The following TONSL variants were observed in gnomAD, a reference collection of about 807,000 sequenced individuals.
The protein encoded by TONSL is tonsoku-like protein.
Under a neutral mutation model 147.1 loss-of-function variants are expected in TONSL, and 112 were observed. That is an observed-to-expected ratio of 0.76 (90% CI 0.65 to 0.89). TONSL has a LOEUF of 0.89. Ranked by LOEUF, TONSL falls within the 40% of genes least tolerant of loss-of-function variation. The probability of loss-of-function intolerance (pLI) is 0.00; values close to 1 mark genes in which losing one functional copy is unlikely to be tolerated. For synonymous variants in TONSL, 868 were observed against 801.5 expected (o/e 1.08, Z -1.40); for missense variants, 1,883 against 1,864.6 (o/e 1.01, Z -0.18).
chr8:144,441,180 CTG>C, intron 7 of TONSL, 69 bp from the exon 8 acceptor site: 2 of 1,574,234 alleles, frequency 1.3e-6, no homozygotes, highest in Non-Finnish European at 1.7e-6. Context: ...CACCTGCAAG[CTG>C]TGAGCCCTGT....
rs367684364 is a variant in TONSL at position 144,432,345 on chromosome 8, G to A, written c.3675C>T (p.Ser1225=). ...AGTLLHLELS[S]VAAGKGDSDL... is the part of the protein sequence containing the mutation. ...CCGAATCACCCTTGCCGGCTGCCAC[G>A]GAGCTGAGCTCTAAGTGCAGGAGGG... Residue 1225 remains serine (S), a synonymous_variant, in exon 23 of 26, where the codon TCC becomes TCT. Coordinates refer to ENST00000409379, the MANE Select transcript of TONSL (RefSeq NM_013432.5). The A allele has an allele frequency of 1.5e-5, 24 of 1,613,448 alleles. No individual in the cohort carries two copies. The Admixed American group carries it at 1.7e-4, about 11-fold the overall frequency.
Position 144,435,856 on chromosome 8 carries a change from G to A in TONSL, c.2577C>T (p.Pro859=), listed in dbSNP as rs1288591423. The A allele has an allele frequency of 1.2e-6, 2 of 1,608,494 alleles. No homozygotes were observed. The highest frequency in any genetic ancestry group is 1.7e-6 in the Non-Finnish European group (2 of 1,176,524). The change falls in exon 17 of 26, where the codon CCC becomes CCT. Residue 859 remains proline (P), a synonymous_variant. Coordinates refer to ENST00000409379, the MANE Select transcript of TONSL (RefSeq NM_013432.5). ...CACTGTCCGACCCAGAGGTACTACT[G>A]GGCCTGCGGTTGTCTCCAGTGCCCC... ...RPRGTGDNRR[P]SSTSGSDSEE...
chr8:144,442,485 C>T (rs1823757482), intron 5 of TONSL, 73 bp from the exon 6 acceptor site: 1 of 1,495,810 alleles, frequency 6.7e-7, no homozygotes, highest in Non-Finnish European at 8.9e-7. Context: ...GGGCCCCAGC[C>T]CTGCCATGCT....
At position 144,434,280 on chromosome 8, in the gene TONSL, C is replaced by A; in HGVS notation, c.3086-1G>T. Reference sequence around the variant, plus strand: ...GCCTGCAGCACCTGTTGGTGCTCCCCTGCGGGAGGGATGTGATGTCACCAG... The same window carrying A: ...GCCTGCAGCACCTGTTGGTGCTCCCATGCGGGAGGGATGTGATGTCACCAG... On this transcript the variant is annotated splice_acceptor_variant, in intron 20 of 25. Coordinates refer to ENST00000409379, the MANE Select transcript of TONSL (RefSeq NM_013432.5). LOFTEE classifies it high-confidence loss of function. The A allele has an allele frequency of 6.6e-7, 1 of 1,504,548 alleles. No individual in the cohort carries two copies. The highest frequency in any genetic ancestry group is 1.3e-5 in the South Asian group (1 of 74,508). The allele number at this position is 1,504,548 out of a possible 1,614,324, so 93.2% of individuals were successfully genotyped here.
chr8:144,437,512 T>C (rs1823517962), intron 13 of TONSL, among the ~76,000 whole-genome samples: 1 of 151,824 alleles, frequency 6.6e-6, no homozygotes, highest in Non-Finnish European at 1.5e-5. Flanking sequence ...CAGGCTGGTC[T>C]CAAGCTCCTG....
chr8:144,429,263 C>G lies in TONSL; in HGVS notation c.4017G>C (p.Leu1339=). ...KIAAQLRELQ[L]CSRRLCAEDR... ...CCTCAGCGCAGAGGCGTCTGCTGCA[C>G]AGCTGCAGTTCCCGGAGCTGCGCGG... The change falls in exon 26 of 26, where the codon CTG becomes CTC. Residue 1339 remains leucine, a synonymous_variant. Transcript: ENST00000409379. The G allele has an allele frequency of 2.6e-6, 4 of 1,523,282 alleles. No individual in the cohort carries two copies. Among genetic ancestry groups the G allele is most frequent in the Non-Finnish European group, 3.5e-6 (4 of 1,135,080 alleles). 94.4% of individuals were successfully genotyped at this position (1,523,282 alleles called of 1,614,324 possible). A position where few individuals can be genotyped will look rare whatever the true frequency, so the allele number is the denominator to read the frequency against.
At position 144,435,825 on chromosome 8, in the gene TONSL, T is replaced by C. The variant is rs1159394279; in HGVS notation, c.2608A>G (p.Ser870Gly). ...TGCTTGGCTCGGGCACGGGGCCTGCTCTCCTCACTGTCCGACCCAGAGGTA... is the reference window on the plus strand; with the variant it reads ...TGCTTGGCTCGGGCACGGGGCCTGCCCTCCTCACTGTCCGACCCAGAGGTA... Reference protein sequence around the residue: ...SSTSGSDSEESRPRARAKQVR... With the variant: ...SSTSGSDSEEGRPRARAKQVR... The change falls in exon 17 of 26, where the codon AGC becomes GGC. Residue 870 changes from serine to glycine, a missense_variant. Physicochemically the swap from Ser to Gly is moderately conservative, Grantham distance 56. Transcript: ENST00000409379. The C allele has an allele frequency of 2.5e-6, 4 of 1,612,334 alleles. No homozygotes were observed. The African/African-American group carries it at 4.0e-5, about 16-fold the overall frequency.
intron 9 of TONSL, 101 bp downstream of exon 9, chr8:144,440,617 C>T: frequency 7.8e-6 from 12 of 1,532,358 alleles, no homozygotes; most frequent in South Asian, 1.2e-5. Context: ...GAAGGAGCTG[C>T]CCGTCCAGTA....
At chr8:144,431,704 G>C (rs1411787786) in intron 23 of TONSL, among the ~76,000 whole-genome samples, 1 of 151,616 alleles carries the variant, frequency 6.6e-6, no homozygotes, top group East Asian at 1.9e-4. Flanking sequence ...TAGTAGAGAT[G>C]GTGTTTCACC....
At position 144,440,122 on chromosome 8, in the gene TONSL, C is replaced by T; in HGVS notation, c.1379G>A (p.Ser460Asn). 6.2e-7 allele frequency: 1 copy of T among 1,612,444 alleles called. No homozygotes were observed. Among genetic ancestry groups the T allele is most frequent in the Non-Finnish European group, 8.5e-7 (1 of 1,179,786 alleles). The change falls in exon 11 of 26, where the codon AGT becomes AAT. Residue 460 changes from serine (S) to asparagine (N), a missense_variant. Coordinates refer to ENST00000409379, the MANE Select transcript of TONSL (RefSeq NM_013432.5). ...PETETRLREL[S>N]VAEDEDEEEE... ...CTCCTCATCTTCATCTTCAGCTACA[C>T]TGAGCTCCCGTAGTCTGGTTTCGGT...
chr8:144,434,143 C>A lies in TONSL; in HGVS notation c.3222G>T (p.Glu1074Asp). ...RALKLHTALR[E>D]LRLAGNRLGD... ...CCAGCCGGTTCCCTGCCAGGCGCAG[C>A]TCCCGGAGTGCTGTGTGCAGCTTGA... The change falls in exon 21 of 26, where the codon GAG becomes GAT. Residue 1074 changes from glutamate to aspartate, a missense_variant. Glu to Asp is a conservative substitution (Grantham distance 45). Transcript: ENST00000409379. 6.2e-7 allele frequency: 1 copy of A among 1,611,632 alleles called. No individual in the cohort carries two copies. Among genetic ancestry groups the A allele is most frequent in the Non-Finnish European group, 8.5e-7 (1 of 1,179,260 alleles).
intron 13 of TONSL, chr8:144,438,270 G>T (rs759287117): frequency 1.8e-4 from 112 of 607,706 alleles, no homozygotes; most frequent in Admixed American, 7.1e-4. Flanking sequence ...TGGCATGATC[G>T]CGACTCCTGC....
At chr8:144,440,645 C>T in intron 9 of TONSL, 73 bp downstream of exon 9, 6 of 1,555,994 alleles carry the variant, frequency 3.9e-6, no homozygotes, top group Non-Finnish European at 5.2e-6. Flanking sequence ...CTGTCCATGG[C>T]CACCCTGAGA....
Position 144,440,044 on chromosome 8 carries a change from C to A in TONSL, c.1457G>T (p.Gly486Val), listed in dbSNP as rs142259744. 3.2e-4 allele frequency: 465 copies of A among 1,450,526 alleles called. 5 individuals carry two copies. In the African/African-American group the frequency reaches 6.1e-3, roughly 19 times the overall value. The allele number at this position is 1,450,526 out of a possible 1,614,324, so 89.9% of individuals were successfully genotyped here. A position where few individuals can be genotyped will look rare whatever the true frequency, so the allele number is the denominator to read the frequency against. ...ATAESEALEA[G>V]EVELSEGEDD... is the part of the protein sequence containing the mutation. The stretch of plus-strand genomic sequence containing the variant: ...ACCGCCCTCTGAGAGCTCCACCTCG[C>A]CGGCCTCCAGGGCTTCGCTCTCCGC... Residue 486 changes from glycine to valine, a missense_variant, in exon 11 of 26, where the codon GGC becomes GTC. Transcript: ENST00000409379.
At chr8:144,439,013 C>T (rs189255102) in intron 11 of TONSL, among the ~76,000 whole-genome samples, 5 of 152,230 alleles carry the variant, frequency 3.3e-5, no homozygotes, top group African/African-American at 1.2e-4. Flanking sequence ...CTGGCCCTCC[C>T]ACAGAAGGCC....
Position 144,436,956 on chromosome 8 carries a change from C to T in TONSL, c.1727-36G>A, listed in dbSNP as rs760060079. On this transcript the variant is annotated intron_variant, in intron 14 of 25. Transcript: ENST00000409379. The stretch of plus-strand genomic sequence containing the variant: ...GGAGACGTAAGCCCAGCTCCCGATG[C>T]CCCGCCAGGACTGACTCTTCGCCCC... 8 of 1,611,366 alleles carry T rather than the reference C, an allele frequency of 5.0e-6. No individual in the cohort carries two copies. The Admixed American group carries it at 1.3e-4, about 27-fold the overall frequency.
At position 144,442,427 on chromosome 8, in the gene TONSL, C is replaced by T. The variant is rs771060511; in HGVS notation, c.579-15G>A. ...GGTGGTTCTGCCTGCAGAGGGGTGA[C>T]GACCACTGAGCACCCAGGAGTGTCC... On this transcript the variant is annotated splice_polypyrimidine_tract_variant and intron_variant, in intron 5 of 25. Coordinates refer to ENST00000409379, the MANE Select transcript of TONSL (RefSeq NM_013432.5). 1.6e-5 allele frequency: 25 copies of T among 1,528,146 alleles called. No homozygotes were observed. Among genetic ancestry groups the T allele is most frequent in the Admixed American group, 5.9e-5 (3 of 50,588 alleles). The allele number at this position is 1,528,146 out of a possible 1,614,324, so 94.7% of individuals were successfully genotyped here. A position where few individuals can be genotyped will look rare whatever the true frequency, so the allele number is the denominator to read the frequency against.
chr8:144,442,640 G>C, intron 5 of TONSL, 37 bp downstream of exon 5: 1 of 1,598,842 alleles, frequency 6.3e-7, no homozygotes, highest in Non-Finnish European at 8.5e-7. Context: ...CAGGAACAAG[G>C]GACTCCACTC....
chr8:144,444,114 G>A (rs1457490396), intron 2 of TONSL, 66 bp downstream of exon 2: 6 of 1,305,910 alleles, frequency 4.6e-6, no homozygotes, highest in Admixed American at 4.1e-5. Context: ...GTCGCCCCCC[G>A]GCCCCCGATC....
Sources: gnomAD v4.1 joint callset for allele counts (sites outside exome capture counted in the v4.1 genomes callset) on GRCh38, gnomAD v4.1.1 for gene constraint, MANE v1.5 for transcripts, NCBI Gene and HGNC (gene_info 2026-07-23, HGNC 2026-07-21) for gene names.